The following GPC6 variants were observed in gnomAD, a reference collection of about 807,000 sequenced individuals.
GPC6 encodes glypican 6.
Under a neutral mutation model 55.2 loss-of-function variants are expected in GPC6, and 14 were observed. The ratio of observed to expected loss-of-function variants is 0.25; its 90% CI spans 0.17 to 0.40. The LOEUF (loss-of-function observed/expected upper bound fraction) is 0.40. GPC6 is among the 10% of genes least tolerant of loss of function. The pLI, the probability that GPC6 is intolerant of heterozygous loss-of-function variation, is 1.00. For missense variants in GPC6, 641 were observed against 708.5 expected (o/e 0.90, Z 1.08); for synonymous variants, 278 against 259.6 (o/e 1.07, Z -0.68).
intron 1 of GPC6, among the ~76,000 whole-genome samples, chr13:93,509,858 G>A (rs771772312): frequency 6.6e-6 from 1 of 152,132 alleles, no homozygotes; most frequent in Non-Finnish European, 1.5e-5. Context: ...ATTCATTTTT[G>A]TTTTGCATAA....
chr13:94,120,190 G>A (rs925216505), intron 4 of GPC6, among the ~76,000 whole-genome samples: 6 of 151,944 alleles, frequency 3.9e-5, no homozygotes, highest in Admixed American at 3.9e-4. Flanking sequence ...CGGAGTGAGG[G>A]CTCATAAGCA....
At chr13:93,355,799 G>A (rs1315161407) in intron 1 of GPC6, among the ~76,000 whole-genome samples, 1 of 152,164 alleles carries the variant, frequency 6.6e-6, no homozygotes, top group Non-Finnish European at 1.5e-5. Flanking sequence ...GGGCAGGGTG[G>A]TGCTGCACGT....
chr13:93,952,922 CGT>C (rs1566619764), intron 3 of GPC6, among the ~76,000 whole-genome samples: 1 of 147,312 alleles, frequency 6.8e-6, no homozygotes, highest in Non-Finnish European at 1.5e-5. Flanking sequence ...TATATATACA[CGT>C]ATATATATAG....
intron 3 of GPC6, among the ~76,000 whole-genome samples, chr13:93,915,956 G>A (rs76993610): frequency 0.013 from 2,053 of 152,282 alleles, 52 homozygotes; most frequent in African/African-American, 0.046. Context: ...GGTGAGCCAT[G>A]ACATGGGTGA....
chr13:93,327,580 G>C (rs1460636735), intron 1 of GPC6, among the ~76,000 whole-genome samples: 2 of 152,042 alleles, frequency 1.3e-5, no homozygotes, highest in African/African-American at 4.8e-5. Flanking sequence ...AGAAGACCTG[G>C]ATTAAAATCC....
At chr13:94,100,416 G>A (rs1339849059) in intron 4 of GPC6, among the ~76,000 whole-genome samples, 2 of 152,164 alleles carry the variant, frequency 1.3e-5, no homozygotes, top group African/African-American at 4.8e-5. Flanking sequence ...AGCCAAGATT[G>A]TTATAATGTC....
intron 3 of GPC6, among the ~76,000 whole-genome samples, chr13:93,892,436 G>C (rs1875748269): frequency 6.6e-6 from 1 of 152,082 alleles, no homozygotes; most frequent in South Asian, 2.1e-4. Flanking sequence ...GAAAGAAGTA[G>C]ATATTTTGTC....
At chr13:93,225,092 A>T (rs1310310934), upstream of GPC6, among the ~76,000 whole-genome samples, 1 of 152,192 alleles carries the variant, frequency 6.6e-6, no homozygotes, top group Non-Finnish European at 1.5e-5. Flanking sequence ...CTTTACCTCC[A>T]TTTAAAATAA....
At chr13:93,774,644 A>G (rs556787306) in intron 2 of GPC6, among the ~76,000 whole-genome samples, 1 of 152,334 alleles carries the variant, frequency 6.6e-6, no homozygotes, top group South Asian at 2.1e-4. Context: ...TGAATTAAAT[A>G]AGTTAACACA....
At chr13:93,598,807 T>C (rs1237420326) in intron 2 of GPC6, among the ~76,000 whole-genome samples, 1 of 152,214 alleles carries the variant, frequency 6.6e-6, no homozygotes, top group Non-Finnish European at 1.5e-5. Flanking sequence ...AAATGCTAAT[T>C]CAAATAGGAT....
At chr13:93,402,977 C>T (rs1405873484) in intron 1 of GPC6, among the ~76,000 whole-genome samples, 1 of 151,912 alleles carries the variant, frequency 6.6e-6, no homozygotes, top group Non-Finnish European at 1.5e-5. Flanking sequence ...GTGGATAGTA[C>T]TTTTAATTAG....
chr13:93,599,046 G>T (rs2139521003), intron 2 of GPC6, among the ~76,000 whole-genome samples: 1 of 152,236 alleles, frequency 6.6e-6, no homozygotes, highest in Non-Finnish European at 1.5e-5. Context: ...GAAAGCTTTA[G>T]AAATCTTTGA....
At chr13:93,412,822 G>T (rs1315465675) in intron 1 of GPC6, among the ~76,000 whole-genome samples, 2 of 152,184 alleles carry the variant, frequency 1.3e-5, no homozygotes, top group African/African-American at 2.4e-5. Flanking sequence ...CACAGTGGCA[G>T]CACCAGTCAG....
intron 1 of GPC6, among the ~76,000 whole-genome samples, chr13:93,347,812 C>T (rs943499016): frequency 1.3e-5 from 2 of 152,138 alleles, no homozygotes; most frequent in South Asian, 4.1e-4. Flanking sequence ...GTGACTGAGT[C>T]CTCCCAAAAG....
intron 3 of GPC6, among the ~76,000 whole-genome samples, chr13:93,932,959 T>C (rs2140356164): frequency 6.7e-6 from 1 of 149,900 alleles, no homozygotes; most frequent in Admixed American, 6.9e-5. Context: ...GCTGTTTTTT[T>C]GTTTTGTTTT....
intron 4 of GPC6, among the ~76,000 whole-genome samples, chr13:94,269,856 A>G (rs201366423): frequency 1.3e-5 from 2 of 152,308 alleles, no homozygotes; most frequent in East Asian, 3.9e-4. Flanking sequence ...TAGAAAGTCT[A>G]TCAGATATCT....
intron 6 of GPC6, among the ~76,000 whole-genome samples, chr13:94,313,265 G>T (rs1482215761): frequency 6.6e-6 from 1 of 152,048 alleles, no homozygotes; most frequent in African/African-American, 2.4e-5. Flanking sequence ...ATAAAATGAT[G>T]GCTTATCTCC....
At chr13:93,504,847 G>A (rs547711017) in intron 1 of GPC6, among the ~76,000 whole-genome samples, 1 of 152,240 alleles carries the variant, frequency 6.6e-6, no homozygotes, top group South Asian at 2.1e-4. Flanking sequence ...AGGAAACTGA[G>A]CATCAGAAAG....
chr13:93,278,701 T>C (rs1279902385), intron 1 of GPC6, among the ~76,000 whole-genome samples: 1 of 152,152 alleles, frequency 6.6e-6, no homozygotes, highest in Non-Finnish European at 1.5e-5. Context: ...CAAAGAAAAA[T>C]ATTTTATATA....
Sources: allele counts gnomAD v4.1 joint callset (sites outside exome capture counted in the v4.1 genomes callset), GRCh38; gene constraint gnomAD v4.1.1; transcripts MANE v1.5; gene names NCBI Gene and HGNC (gene_info 2026-07-23, HGNC 2026-07-21).